Variants in PGCKA1 observed in about 807,000 individuals in gnomAD.
PGCKA1 encodes the protein PDCD10 and GCKIII kinases-associated protein 1.
the PGCKA1 span, among the ~76,000 whole-genome samples, chr4:37,502,799 A>G: frequency 6.6e-6 from 1 of 152,046 alleles, no homozygotes; most frequent in Non-Finnish European, 1.5e-5. Context: ...TCTACCAGTC[A>G]GGCATGGTCC....
At chr4:37,459,658 T>G in the PGCKA1 span, among the ~76,000 whole-genome samples, 71 of 152,242 alleles carry the variant, frequency 4.7e-4, 1 homozygote, top group South Asian at 5.2e-3. Flanking sequence ...TCACCTCCAG[T>G]CTACTGAATC....
chr4:37,560,135 A>G, the PGCKA1 span, among the ~76,000 whole-genome samples: 1 of 152,186 alleles, frequency 6.6e-6, no homozygotes, highest in Non-Finnish European at 1.5e-5. Context: ...ATCCTGGACC[A>G]TGTCCTTCAT....
the PGCKA1 span, among the ~76,000 whole-genome samples, chr4:37,481,955 C>T: frequency 6.6e-6 from 1 of 152,162 alleles, no homozygotes; most frequent in African/African-American, 2.4e-5. Flanking sequence ...CTTTGCTTGG[C>T]TCTCATTCGC....
chr4:37,487,502 A>G, the PGCKA1 span, among the ~76,000 whole-genome samples: 1 of 152,066 alleles, frequency 6.6e-6, no homozygotes, highest in Non-Finnish European at 1.5e-5. Flanking sequence ...TCTTCATCCT[A>G]CCCTGGTATA....
chr4:37,461,254 C>T, the PGCKA1 span, among the ~76,000 whole-genome samples: 1 of 152,028 alleles, frequency 6.6e-6, no homozygotes, highest in Non-Finnish European at 1.5e-5. Context: ...TAGCGTGATG[C>T]CTCCACCTTT....
chr4:37,563,457 A>G, the PGCKA1 span, among the ~76,000 whole-genome samples: 1 of 113,926 alleles, frequency 8.8e-6, no homozygotes, highest in African/African-American at 2.9e-5. Flanking sequence ...GTTGCTCAGG[A>G]GGGAGTGCTC....
the PGCKA1 span, among the ~76,000 whole-genome samples, chr4:37,527,175 A>G: frequency 0.082 from 12,458 of 152,264 alleles, 653 homozygotes; most frequent in Middle Eastern, 0.14. Flanking sequence ...ACAGCCACAC[A>G]ATGTATTTGT....
the PGCKA1 span, among the ~76,000 whole-genome samples, chr4:37,493,862 A>G: frequency 6.6e-6 from 1 of 152,336 alleles, no homozygotes; most frequent in African/African-American, 2.4e-5. Context: ...TTCACTTAAA[A>G]TAATGATCTC....
chr4:37,485,946 CT>C, the PGCKA1 span, among the ~76,000 whole-genome samples: 1 of 152,186 alleles, frequency 6.6e-6, no homozygotes, highest in Non-Finnish European at 1.5e-5. Context: ...CAGGTTCCCC[CT>C]GTACATAGCC....
At chr4:37,454,900 G>A in the PGCKA1 span, among the ~76,000 whole-genome samples, 1 of 152,160 alleles carries the variant, frequency 6.6e-6, no homozygotes, top group Non-Finnish European at 1.5e-5. Context: ...ATAGATACCT[G>A]CCCCATGATG....
chr4:37,558,567 T>C, the PGCKA1 span, among the ~76,000 whole-genome samples: 2,454 of 151,988 alleles, frequency 0.016, 24 homozygotes, highest in Non-Finnish European at 0.025. Context: ...CCAAAAGCAA[T>C]GGCAACAAAA....
At chr4:37,468,365 C>A in the PGCKA1 span, among the ~76,000 whole-genome samples, 9 of 152,140 alleles carry the variant, frequency 5.9e-5, no homozygotes, top group African/African-American at 2.2e-4. Context: ...GTGATATAAA[C>A]CTCCTCCTTT....
At chr4:37,555,818 C>G in the PGCKA1 span, among the ~76,000 whole-genome samples, 1 of 152,154 alleles carries the variant, frequency 6.6e-6, no homozygotes, top group Non-Finnish European at 1.5e-5. Flanking sequence ...AACCCTTCAC[C>G]CCACAGATGT....
chr4:37,509,262 A>G, the PGCKA1 span, among the ~76,000 whole-genome samples: 3 of 72,824 alleles, frequency 4.1e-5, no homozygotes, highest in African/African-American at 6.5e-5. Context: ...GGCCAGGCAG[A>G]GGCGCCCCCC....
the PGCKA1 span, among the ~76,000 whole-genome samples, chr4:37,457,283 A>G: frequency 6.6e-6 from 1 of 152,340 alleles, no homozygotes; most frequent in African/African-American, 2.4e-5. Context: ...CACTAGTGGA[A>G]ATGGACAGTA....
At chr4:37,556,058 C>T in the PGCKA1 span, among the ~76,000 whole-genome samples, 2 of 152,202 alleles carry the variant, frequency 1.3e-5, no homozygotes, top group African/African-American at 2.4e-5. Context: ...TCTTTCACTA[C>T]AGTTTTTGTT....
chr4:37,569,890 G>A, the PGCKA1 span, among the ~76,000 whole-genome samples: 6,727 of 151,742 alleles, frequency 0.044, 382 homozygotes, highest in African/African-American at 0.13. Flanking sequence ...GCTAGACCAT[G>A]CTAACACTTC....
chr4:37,473,796 C>G, the PGCKA1 span, among the ~76,000 whole-genome samples: 1 of 152,098 alleles, frequency 6.6e-6, no homozygotes, highest in African/African-American at 2.4e-5. Context: ...CCACTCATAG[C>G]TCAAACATAC....
chr4:37,527,698 C>T, the PGCKA1 span, among the ~76,000 whole-genome samples: 73,827 of 150,266 alleles, frequency 0.49, 18,785 homozygotes, highest in African/African-American at 0.6. Context: ...GGCGTGGTGG[C>T]GGGCGCCTGT....
Sources: allele counts gnomAD v4.1 joint callset (sites outside exome capture counted in the v4.1 genomes callset), GRCh38; gene constraint gnomAD v4.1.1; transcripts MANE v1.5; gene names NCBI Gene and HGNC (gene_info 2026-07-23, HGNC 2026-07-21).